Variants in C18orf54 observed in about 807,000 individuals in gnomAD.
C18orf54 encodes chromosome 18 open reading frame 54, also known as lung adenoma susceptibility protein 2.
In C18orf54, 49 loss-of-function variants were observed where a neutral mutation model predicts 49.3. That is an observed-to-expected ratio of 0.99 (90% CI 0.79 to 1.26). C18orf54 has a LOEUF of 1.26. Among genes scored for constraint, C18orf54 ranks in the 50% most tolerant of loss-of-function variants. The pLI is 0.00. For synonymous variants in C18orf54, 211 were observed against 216.6 expected, an observed-to-expected ratio of 0.97 and a Z score of 0.23; for missense variants, 687 against 620.6, an observed-to-expected ratio of 1.11 and a Z score of -1.14.
intron 8 of C18orf54, among the ~76,000 whole-genome samples, chr18:54,377,858 G>A (rs1269366086): frequency 2.6e-5 from 4 of 152,102 alleles, no homozygotes; most frequent in Non-Finnish European, 5.9e-5. Flanking sequence ...CTTGAAAAAA[G>A]TGTTCTTGTT....
At chr18:54,365,645 T>C in intron 5 of C18orf54, 74 bp from the exon 6 acceptor site, 1 of 798,368 alleles carries the variant, frequency 1.3e-6, no homozygotes. Flanking sequence ...ATGAGAATTC[T>C]TAAATTATAT....
intron 6 of C18orf54, among the ~76,000 whole-genome samples, chr18:54,369,852 ACT>A (rs2089454067): frequency 6.6e-6 from 1 of 150,918 alleles, no homozygotes; most frequent in East Asian, 1.9e-4. Flanking sequence ...TTTCTTCCCA[ACT>A]CTCTTTGGTG....
At chr18:54,377,187 C>T (rs1005979062) in intron 8 of C18orf54, among the ~76,000 whole-genome samples, 1 of 152,018 alleles carries the variant, frequency 6.6e-6, no homozygotes, top group African/African-American at 2.4e-5. Flanking sequence ...TGCCAGTCAC[C>T]ACGCCTGGCT....
chr18:54,365,860 A>G, intron 6 of C18orf54, 39 bp downstream of exon 6: 1 of 1,224,854 alleles, frequency 8.2e-7, no homozygotes. Context: ...ATTTAAAGAT[A>G]TATGAATAAT....
In C18orf54 at chr18:54,362,335, A is replaced by G. The variant is rs930619300; in HGVS notation, c.976A>G (p.Lys326Glu). 2.0e-6 allele frequency: 3 copies of G among 1,535,932 alleles called. No homozygotes were observed. The East Asian group carries it at 7.3e-5, about 38-fold the overall frequency. The change falls in exon 4 of 9, where the codon AAA becomes GAA. Residue 326 changes from lysine (K) to glutamate (E), a missense_variant. Physicochemically the swap from Lys to Glu is moderately conservative, Grantham distance 56. Coordinates refer to ENST00000620105, the MANE Select transcript of C18orf54 (RefSeq NM_001288980.2). ...SNFSNSLSDD[K>E]ELVNEYKCDF... ...CTTTTCAAATTCCTTGAGTGATGAT[A>G]AAGAATTAGTTAATGAATACAAATG... is the stretch of plus-strand genomic sequence containing the variant.
chr18:54,372,767 A>G (rs1382487708), intron 7 of C18orf54, among the ~76,000 whole-genome samples, 170 bp downstream of exon 7: 1 of 151,886 alleles, frequency 6.6e-6, no homozygotes, highest in Non-Finnish European at 1.5e-5. Context: ...CTCACGTTTA[A>G]TTCTGTTTGA....
chr18:54,367,938 G>GCA (rs1460779732), intron 6 of C18orf54, among the ~76,000 whole-genome samples: 23 of 152,070 alleles, frequency 1.5e-4, no homozygotes, highest in African/African-American at 4.3e-4. Context: ...CAAGTTCGGA[G>GCA]ATTCTTTTGT....
At chr18:54,362,455 AG>A (rs1277985292) in intron 4 of C18orf54, 24 bp downstream of exon 4, 2 of 1,440,982 alleles carry the variant, frequency 1.4e-6, no homozygotes, top group Admixed American at 5.9e-5. Flanking sequence ...TATTGCTTAT[AG>A]TTATTTATTT....
chr18:54,372,211 C>T lies in C18orf54; in HGVS notation c.1327-255C>T, dbSNP rs115115326. Among the ~76,000 whole-genome samples, 634 of 152,024 alleles carry T rather than the reference C, an allele frequency of 4.2e-3. 10 individuals carry two copies. The highest frequency in any genetic ancestry group is 0.015 in the African/African-American group (618 of 41,492). On this transcript the variant is annotated intron_variant, in intron 6 of 8. Transcript: ENST00000620105. ...AATTTGTCATAAATATAAACGTGCA[C>T]TATTTATTTCAAAACAGCAATGACT...
At chr18:54,377,314 A>G (rs1167679975) in intron 8 of C18orf54, among the ~76,000 whole-genome samples, 1 of 152,142 alleles carries the variant, frequency 6.6e-6, no homozygotes, top group Admixed American at 6.5e-5. Flanking sequence ...CAGTCTCCCA[A>G]AGTGCATGGA....
intron 4 of C18orf54, 126 bp from the exon 5 acceptor site, chr18:54,362,645 C>A: frequency 1.1e-6 from 1 of 944,922 alleles, no homozygotes; most frequent in Non-Finnish European, 1.5e-6. Flanking sequence ...CACATTTTAA[C>A]ATAATTTGCT....
chr18:54,372,016 T>G (rs12970263), intron 6 of C18orf54, among the ~76,000 whole-genome samples: 10,544 of 152,060 alleles, frequency 0.069, 485 homozygotes, highest in Middle Eastern at 0.1. Context: ...GTATGGCCCA[T>G]GAAGAGGTGA....
In C18orf54 at chr18:54,372,609, C is replaced by T; in HGVS notation, c.1458+12C>T. 1 of 1,560,306 alleles carries T rather than the reference C, an allele frequency of 6.4e-7. No homozygotes were observed. Among genetic ancestry groups the T allele is most frequent in the East Asian group, 2.3e-5 (1 of 43,736 alleles). ...AAGAGATTAAACAAGTAAGCACAAA[C>T]ATGATTTATGAATTGAGATTTGTGA... On this transcript the variant is annotated intron_variant, in intron 7 of 8. Coordinates refer to ENST00000620105, the MANE Select transcript of C18orf54 (RefSeq NM_001288980.2).
chr18:54,365,591 A>G, intron 5 of C18orf54, 128 bp from the exon 6 acceptor site: 3 of 524,866 alleles, frequency 5.7e-6, no homozygotes, highest in Non-Finnish European at 1.0e-5. Context: ...ATTAATATGA[A>G]TCATATCCAT....
At chr18:54,366,569 T>C (rs904977387) in intron 6 of C18orf54, among the ~76,000 whole-genome samples, 1 of 152,092 alleles carries the variant, frequency 6.6e-6, no homozygotes, top group African/African-American at 2.4e-5. Context: ...TCTTGACTAT[T>C]GTGAATAATG....
intron 1 of C18orf54, 53 bp downstream of exon 1, chr18:54,358,128 G>A: frequency 6.5e-6 from 1 of 152,744 alleles, no homozygotes; most frequent in Non-Finnish European, 1.5e-5. Context: ...CCTTAGGGGT[G>A]AGTTAGGACG....
intron 5 of C18orf54, chr18:54,363,800 A>C (rs569183799): frequency 8.7e-6 from 1 of 114,750 alleles, no homozygotes; most frequent in Non-Finnish European, 1.7e-5. Flanking sequence ...AGAGTCTATT[A>C]GTTCCTGGAT....
At chr18:54,376,522 C>T (rs867102640) in intron 8 of C18orf54, among the ~76,000 whole-genome samples, 3 of 147,758 alleles carry the variant, frequency 2.0e-5, no homozygotes, top group Middle Eastern at 3.6e-3. Context: ...TTAGTAGAGA[C>T]GGGGTTTTGC....
In C18orf54 at chr18:54,372,559, CAAAAT is replaced by C; in HGVS notation, c.1423_1427del (p.Asn475AspfsTer9). 1 of 1,608,732 alleles carries C rather than the reference CAAAAT, an allele frequency of 6.2e-7. No individual in the cohort carries two copies. The highest frequency in any genetic ancestry group is 8.5e-7 in the Non-Finnish European group (1 of 1,176,910). On this transcript the variant is annotated frameshift_variant, in exon 7 of 9. Coordinates refer to ENST00000620105, the MANE Select transcript of C18orf54 (RefSeq NM_001288980.2). LOFTEE classifies it high-confidence loss of function. ...TCAAGCAGTACAAGAACGTTTTAATCAAAATAAGACCACAGATCCAAAAGAAGAGA... is the reference window on the plus strand; with the variant it reads ...TCAAGCAGTACAAGAACGTTTTAATCAAGACCACAGATCCAAAAGAAGAGA...
Sources: allele counts gnomAD v4.1 joint callset (sites outside exome capture counted in the v4.1 genomes callset), GRCh38; gene constraint gnomAD v4.1.1; transcripts MANE v1.5; gene names NCBI Gene and HGNC (gene_info 2026-07-23, HGNC 2026-07-21).